PPM1A: variants seen among roughly 807,000 people sequenced by gnomAD.
PPM1A encodes the protein protein phosphatase, Mg2+/Mn2+ dependent 1A, also known as protein phosphatase 1A.
In PPM1A, 7 loss-of-function variants were observed where a neutral mutation model predicts 35.0. That is an observed-to-expected ratio of 0.20 (90% CI 0.11 to 0.38). The LOEUF (loss-of-function observed/expected upper bound fraction) is 0.38. Among genes scored for constraint, PPM1A ranks in the 10% least tolerant of loss-of-function variants. The pLI, the probability that PPM1A is intolerant of heterozygous loss-of-function variation, is 1.00. For synonymous variants in PPM1A, 153 were observed against 167.3 expected (o/e 0.91, Z 0.66); for missense variants, 239 against 467.8 (o/e 0.51, Z 4.51).
At chr14:60,286,511 C>T in intron 3 of PPM1A, 1 of 985,010 alleles carries the variant, frequency 1.0e-6, no homozygotes. Flanking sequence ...TGCTGGTGAG[C>T]TGAGGTAGAA....
chr14:60,249,876 A>AGGGCGGTGGCGGGGAGGCGG lies in PPM1A; in HGVS notation c.-21+206_-21+225dup. Among the ~76,000 whole-genome samples the AGGGCGGTGGCGGGGAGGCGG allele has an allele frequency of 6.8e-6, 1 of 146,724 alleles. No homozygotes were observed. Among genetic ancestry groups the AGGGCGGTGGCGGGGAGGCGG allele is most frequent in the East Asian group, 2.1e-4 (1 of 4,834 alleles). On this transcript the variant is annotated intron_variant, in intron 1 of 5. Coordinates refer to ENST00000395076, the MANE Select transcript of PPM1A (RefSeq NM_021003.5). The surrounding 1 kb of genome is among the most constrained non-coding windows in gnomAD (Gnocchi z 4.5). ...GACGGCGAGGGGTTAACGCTCGGCG[A>AGGGCGGTGGCGGGGAGGCGG]GGGCGGTGGCGGGGAGGCGGGGGCG... is the stretch of plus-strand genomic sequence containing the variant.
intron 3 of PPM1A, 177 bp downstream of exon 3, chr14:60,285,918 CA>C: frequency 7.6e-7 from 1 of 1,315,404 alleles, no homozygotes; most frequent in South Asian, 2.4e-5. Flanking sequence ...TGTCCTATCA[CA>C]GTTATATTAG....
At chr14:60,254,478 G>T (rs1882810271) in intron 1 of PPM1A, among the ~76,000 whole-genome samples, 2 of 152,260 alleles carry the variant, frequency 1.3e-5, no homozygotes, top group East Asian at 1.9e-4. Context: ...TTTTGAAGAG[G>T]AGTTACAGTT....
chr14:60,268,649 T>G (rs1011018896), intron 1 of PPM1A, among the ~76,000 whole-genome samples: 1 of 151,986 alleles, frequency 6.6e-6, no homozygotes, highest in African/African-American at 2.4e-5. Context: ...ATACTGGTTT[T>G]TTTAACTAAG....
At chr14:60,256,217 G>C (rs966883387) in intron 1 of PPM1A, among the ~76,000 whole-genome samples, 2 of 152,126 alleles carry the variant, frequency 1.3e-5, no homozygotes, top group African/African-American at 4.8e-5. Flanking sequence ...TCAGGAGATG[G>C]AGACCATCCT....
chr14:60,251,340 A>G (rs1270474773), intron 1 of PPM1A, among the ~76,000 whole-genome samples: 1 of 152,248 alleles, frequency 6.6e-6, no homozygotes, highest in African/African-American at 2.4e-5. Flanking sequence ...TATATTTGAG[A>G]AATAATAGTC....
At chr14:60,280,313 T>TA (rs1886257251) in intron 1 of PPM1A, among the ~76,000 whole-genome samples, 1 of 152,222 alleles carries the variant, frequency 6.6e-6, no homozygotes, top group African/African-American at 2.4e-5. Context: ...TGCCTTCTTA[T>TA]ATGCTTATAC....
At chr14:60,262,389 CA>C (rs35397013) in intron 1 of PPM1A, among the ~76,000 whole-genome samples, 1 of 152,126 alleles carries the variant, frequency 6.6e-6, no homozygotes, top group South Asian at 2.1e-4. Flanking sequence ...TCTAGAACCG[CA>C]AACTAATAGA....
At chr14:60,262,123 C>G (rs1258947600) in intron 1 of PPM1A, among the ~76,000 whole-genome samples, 2 of 152,018 alleles carry the variant, frequency 1.3e-5, no homozygotes, top group Non-Finnish European at 2.9e-5. Context: ...AATGTGTTAT[C>G]TGAATGTTTA....
upstream of PPM1A, among the ~76,000 whole-genome samples, chr14:60,248,345 G>C (rs1323868690): frequency 6.6e-6 from 1 of 152,226 alleles, no homozygotes; most frequent in Non-Finnish European, 1.5e-5. Flanking sequence ...GAGGTCGTTG[G>C]AGGTCCCCTG....
chr14:60,286,800 A>G, intron 3 of PPM1A: 5 of 978,848 alleles, frequency 5.1e-6, no homozygotes, highest in African/African-American at 1.8e-5. Flanking sequence ...GCTGTCCGCC[A>G]CTTGATAGTC....
Position 60,282,981 on chromosome 14 carries a change from C to T in PPM1A, c.278C>T (p.Ser93Phe), listed in dbSNP as rs763545516. ...QDFKGSAGAPSVENVKNGIRT... is the reference protein window; with the variant it reads ...QDFKGSAGAPFVENVKNGIRT... ...TTTAAAGGGTCTGCAGGAGCACCTT[C>T]TGTGGAAAATGTAAAGAATGGAATC... The change falls in exon 2 of 6, where the codon TCT (serine) becomes TTT (phenylalanine). Residue 93 changes from serine (S) to phenylalanine (F), a missense_variant. By Grantham distance (155) the Ser-to-Phe change is radical. This residue lies in a region of PPM1A where 175 missense variants were observed against 389.2 expected (regional missense o/e 0.45). Coordinates refer to ENST00000395076, the MANE Select transcript of PPM1A (RefSeq NM_021003.5). This position sits in a 1 kb window ranked among gnomAD's most constrained non-coding sequence, Gnocchi z 5.1. The T allele has an allele frequency of 6.2e-7, 1 of 1,614,184 alleles. No homozygotes were observed. Among genetic ancestry groups the T allele is most frequent in the Non-Finnish European group, 8.5e-7 (1 of 1,180,038 alleles).
chr14:60,277,024 C>T (rs1284571293), intron 1 of PPM1A: 3 of 1,186,016 alleles, frequency 2.5e-6, no homozygotes, highest in East Asian at 1.4e-4. Context: ...TTGAAAAGTT[C>T]AGATCAACTG....
rs535127013 is a variant in PPM1A at position 60,296,081 on chromosome 14, A to C, written c.*3599A>C. ...GAAAATTATCCAGCCATGGAAATGT[A>C]GGTGGGGTTTGAGTTTAAGGCATTT... On this transcript the variant is annotated 3_prime_UTR_variant, in exon 6 of 6. Transcript: ENST00000395076. This position sits in a 1 kb window ranked among gnomAD's most constrained non-coding sequence, Gnocchi z 4.4. The C allele has an allele frequency of 6.6e-6, 1 of 151,722 alleles. No individual in the cohort carries two copies. Among genetic ancestry groups the C allele is most frequent in the African/African-American group, 2.4e-5 (1 of 41,418 alleles). The allele number at this position is 151,722 out of a possible 1,614,324, so 9.4% of individuals were successfully genotyped here.
rs1256227097 is a variant in PPM1A, at chr14:60,283,267, T to C, written c.564T>C (p.Asn188=). 3.1e-6 allele frequency: 5 copies of C among 1,614,114 alleles called. No homozygotes were observed. In the African/African-American group the frequency reaches 5.3e-5, roughly 17 times the overall value. Reference sequence around the variant, plus strand: ...GCTCTGTAATGATTCAGCGTGTGAATGGCTCTCTGGCTGTATCGAGGGCCC... The same window carrying C: ...GCTCTGTAATGATTCAGCGTGTGAACGGCTCTCTGGCTGTATCGAGGGCCC... The part of the protein sequence containing the change: ...AGGSVMIQRV[N]GSLAVSRALG... The change falls in exon 2 of 6, where the codon AAT becomes AAC. Residue 188 remains asparagine (N), a synonymous_variant. Coordinates refer to ENST00000395076, the MANE Select transcript of PPM1A (RefSeq NM_021003.5). The surrounding 1 kb of genome is among the most constrained non-coding windows in gnomAD (Gnocchi z 6.3).
intron 3 of PPM1A, chr14:60,286,580 C>T (rs946130510): frequency 5.1e-6 from 5 of 985,128 alleles, no homozygotes; most frequent in Non-Finnish European, 6.0e-6. Flanking sequence ...CTCCTAATGT[C>T]GTTAATTTGC....
chr14:60,297,827 C>G lies in PPM1A; in HGVS notation c.*5345C>G, dbSNP rs973272405. 11 of 151,648 alleles carry G rather than the reference C, an allele frequency of 7.3e-5. No homozygotes were observed. The highest frequency in any genetic ancestry group is 2.7e-4 in the African/African-American group (11 of 41,466). The allele number at this position is 151,648 out of a possible 1,614,324, so 9.4% of individuals were successfully genotyped here. On this transcript the variant is annotated 3_prime_UTR_variant, in exon 6 of 6. Coordinates refer to ENST00000395076, the MANE Select transcript of PPM1A (RefSeq NM_021003.5). ...GATGAATCCTAGGGACTTATTTACC[C>G]AGGAAAATGCGTATATAACATACAT...
At chr14:60,291,529 C>A in intron 5 of PPM1A, 75 bp downstream of exon 5, 1 of 1,244,900 alleles carries the variant, frequency 8.0e-7, no homozygotes, top group Non-Finnish European at 1.1e-6. Context: ...CCTGTTTTTG[C>A]AGAGCTGTTC....
intron 1 of PPM1A, among the ~76,000 whole-genome samples, chr14:60,258,324 C>T (rs1281661948): frequency 6.6e-6 from 1 of 152,104 alleles, no homozygotes; most frequent in African/African-American, 2.4e-5. Flanking sequence ...GTCTGAATTA[C>T]TTTATACTTG....
Sources: gnomAD v4.1 joint callset for allele counts (sites outside exome capture counted in the v4.1 genomes callset) on GRCh38, gnomAD v4.1.1 for gene constraint, gnomAD v4.1.1 regional missense constraint, Gnocchi (gnomAD v3.1) non-coding constraint, MANE v1.5 for transcripts, NCBI Gene and HGNC (gene_info 2026-07-23, HGNC 2026-07-21) for gene names.